WNK2: variants seen among roughly 807,000 people sequenced by gnomAD.
The protein encoded by WNK2 is serine/threonine-protein kinase WNK2.
In WNK2, 67 loss-of-function variants were observed where a neutral mutation model predicts 192.1. The observed-to-expected ratio is 0.35, with a 90% confidence interval of 0.29 to 0.43. The LOEUF (loss-of-function observed/expected upper bound fraction) is 0.43. Ranked by LOEUF, WNK2 falls within the 20% of genes least tolerant of loss-of-function variation. WNK2 has a pLI of 1.00. For synonymous variants in WNK2, 1,439 were observed against 1,393.9 expected (o/e 1.03, Z -0.72); for missense variants, 2,698 against 3,089.7 (o/e 0.87, Z 3.01).
intron 8 of WNK2, among the ~76,000 whole-genome samples, chr9:93,250,584 T>C (rs1842449459): frequency 6.6e-6 from 1 of 152,224 alleles, no homozygotes; most frequent in Non-Finnish European, 1.5e-5. Context: ...CATTATTGTA[T>C]TGGAAGATGC....
At chr9:93,298,954 G>A (rs1290912515) in intron 24 of WNK2, 116 bp from the exon 25 acceptor site, 7 of 1,085,962 alleles carry the variant, frequency 6.4e-6, no homozygotes, top group Non-Finnish European at 9.0e-6. Flanking sequence ...TGGTCTGCAG[G>A]AGACGTGAGC....
At chr9:93,295,008 C>T (rs1849998908) in intron 23 of WNK2, among the ~76,000 whole-genome samples, 2 of 152,184 alleles carry the variant, frequency 1.3e-5, no homozygotes, top group African/African-American at 4.8e-5. Flanking sequence ...CTCTGAATAC[C>T]GAGGTGCCTG....
rs759428674 is a variant in WNK2, at chr9:93,292,273, C to T, written c.4937-35C>T. ...GAGCCATCTCTGCCTCTTCCTCCTC[C>T]TTCAGCCCCAGTAACGTTTCTGATG... On this transcript the variant is annotated intron_variant, in intron 21 of 29. Transcript: ENST00000427277. The T allele has an allele frequency of 2.5e-6, 4 of 1,610,972 alleles. No individual in the cohort carries two copies. The African/African-American group carries it at 4.0e-5, about 16-fold the overall frequency.
At chr9:93,305,521 A>G (rs1027269235) in intron 26 of WNK2, among the ~76,000 whole-genome samples, 10 of 152,210 alleles carry the variant, frequency 6.6e-5, no homozygotes, top group East Asian at 1.9e-4. Context: ...TTATTAGAAC[A>G]GTAAAGTCTG....
In WNK2 at chr9:93,302,779, G is replaced by T. The variant is rs116933944; in HGVS notation, c.6214+2630G>T. On this transcript the variant is annotated intron_variant, in intron 26 of 29. Coordinates refer to ENST00000427277, the MANE Select transcript of WNK2 (RefSeq NM_006648.4). The stretch of plus-strand genomic sequence containing the variant: ...GGAGGCTGGGAGCAGCAGGTGGACA[G>T]ACCCCTAGGGAGTGCAAGGCCCTGC... Among the ~76,000 whole-genome samples, 1,467 of 152,274 alleles carry T rather than the reference G, an allele frequency of 9.6e-3. 11 individuals are homozygous for T. Among genetic ancestry groups the T allele is most frequent in the South Asian group, 0.027 (130 of 4,830 alleles).
chr9:93,199,355 G>A (rs1227319525), intron 2 of WNK2, among the ~76,000 whole-genome samples: 2 of 152,142 alleles, frequency 1.3e-5, no homozygotes, highest in African/African-American at 4.8e-5. Flanking sequence ...CCTTAGCCCT[G>A]CCCAGGTTGG....
intron 2 of WNK2, among the ~76,000 whole-genome samples, chr9:93,228,251 G>A (rs914545074): frequency 1.5e-4 from 23 of 152,080 alleles, no homozygotes; most frequent in African/African-American, 3.9e-4. Flanking sequence ...TCTCATGGGC[G>A]CGGCTGCATT....
rs777650622 is a variant in WNK2, at chr9:93,210,195, C to T, written c.682-19501C>T. ...CCCTGCCTCTCTGCAGTAAGCGTTC[C>T]CACCCCAGGGATGTGGGCTGTGGTG... On this transcript the variant is annotated intron_variant, in intron 2 of 29. Transcript: ENST00000427277. Among the ~76,000 whole-genome samples, 70 of 152,160 alleles carry T rather than the reference C, an allele frequency of 4.6e-4. 1 individual carries two copies. The highest frequency in any genetic ancestry group is 7.8e-4 in the Non-Finnish European group (53 of 67,990).
intron 29 of WNK2, chr9:93,318,295 A>AC: frequency 4.6e-6 from 7 of 1,522,136 alleles, no homozygotes; most frequent in Non-Finnish European, 6.1e-6. Context: ...TTTCTGTTGT[A>AC]AATGCCTTTT....
At chr9:93,314,847 G>C (rs962824877) in intron 28 of WNK2, among the ~76,000 whole-genome samples, 3 of 152,128 alleles carry the variant, frequency 2.0e-5, no homozygotes, top group Non-Finnish European at 4.4e-5. Flanking sequence ...GAACGAGCAG[G>C]AGCATTGTCG....
chr9:93,308,337 C>T lies in WNK2; in HGVS notation c.6269C>T (p.Thr2090Ile), dbSNP rs745594921. ...GTGTGTGACTCCCCAGGGTCCTCCA[C>T]CAGCAGCCTGGCCCCAGGCCCTGAG... ...LGKEHSSRSS[T>I]SSLAPGPEPG... Residue 2090 changes from threonine (T) to isoleucine (I), a missense_variant, in exon 28 of 30, where the codon ACC (threonine) becomes ATC (isoleucine). Transcript: ENST00000427277. The T allele has an allele frequency of 3.3e-5, 51 of 1,553,878 alleles. No individual in the cohort carries two copies. Among genetic ancestry groups the T allele is most frequent in the African/African-American group, 1.4e-5 (1 of 73,196 alleles).
At position 93,206,197 on chromosome 9, in the gene WNK2, AG is replaced by A. The variant is rs773551893; in HGVS notation, c.681+20588del. Among the ~76,000 whole-genome samples the A allele has an allele frequency of 5.7e-4, 87 of 152,210 alleles. No homozygotes were observed. In the Middle Eastern group the frequency reaches 0.014, roughly 24 times the overall value. On this transcript the variant is annotated intron_variant, in intron 2 of 29. Transcript: ENST00000427277. ...CATGTGGACAGTGTGATCTGTCTGGAGTGCGTGTCTTTTTCCTAACATGTAG... is the reference window on the plus strand; with the variant it reads ...CATGTGGACAGTGTGATCTGTCTGGATGCGTGTCTTTTTCCTAACATGTAG...
rs559694568 is a variant in WNK2, at chr9:93,251,903, T to TTA, written c.1835-978_1835-977dup. 1.7e-3 allele frequency among the ~76,000 whole-genome samples: 258 copies of TTA among 152,302 alleles called. 1 individual carries two copies. The highest frequency in any genetic ancestry group is 5.7e-3 in the African/African-American group (238 of 41,568). ...TTGCACAATTAAACCTCAGCATTTC[T>TTA]TATGTCTTCCTAGGTTACAGTAGGT... On this transcript the variant is annotated intron_variant, in intron 8 of 29. Coordinates refer to ENST00000427277, the MANE Select transcript of WNK2 (RefSeq NM_006648.4).
intron 29 of WNK2, chr9:93,318,300 C>G: frequency 6.6e-7 from 1 of 1,525,856 alleles, no homozygotes; most frequent in Non-Finnish European, 8.8e-7. Flanking sequence ...GTTGTAAATG[C>G]CTTTTACAAA....
At position 93,292,977 on chromosome 9, in the gene WNK2, A is replaced by C. The variant is rs1348620445; in HGVS notation, c.5512A>C (p.Lys1838Gln). The C allele has an allele frequency of 1.3e-6, 2 of 1,545,430 alleles. No homozygotes were observed. Among genetic ancestry groups the C allele is most frequent in the Non-Finnish European group, 1.7e-6 (2 of 1,146,826 alleles). ...TGGCAGCGTGGCTGGCGACTTCGTGAAGAAGGCCACCGCCTTCCTGCAGAG... is the reference window on the plus strand; with the variant it reads ...TGGCAGCGTGGCTGGCGACTTCGTGCAGAAGGCCACCGCCTTCCTGCAGAG... ...VSGSVAGDFV[K>Q]KATAFLQRPS... The change falls in exon 23 of 30, where the codon AAG (lysine) becomes CAG (glutamine). Residue 1838 changes from lysine (K) to glutamine (Q), a missense_variant. Coordinates refer to ENST00000427277, the MANE Select transcript of WNK2 (RefSeq NM_006648.4).
At chr9:93,225,944 G>C (rs1354475150) in intron 2 of WNK2, among the ~76,000 whole-genome samples, 2 of 151,922 alleles carry the variant, frequency 1.3e-5, no homozygotes, top group Non-Finnish European at 2.9e-5. Flanking sequence ...GTGTTGTGTT[G>C]TGTTGTATTG....
intron 2 of WNK2, among the ~76,000 whole-genome samples, chr9:93,227,388 C>T (rs1268042150): frequency 6.6e-6 from 1 of 152,154 alleles, no homozygotes; most frequent in African/African-American, 2.4e-5. Context: ...GCTGGGATTA[C>T]AGGTGTGAGC....
intron 2 of WNK2, among the ~76,000 whole-genome samples, chr9:93,217,173 G>C (rs149218292): frequency 0.012 from 1,850 of 152,164 alleles, 62 homozygotes; most frequent in East Asian, 0.12. Flanking sequence ...TGGCCAGGAT[G>C]GTCTTGATTT....
At chr9:93,200,346 CT>C (rs1293576585) in intron 2 of WNK2, among the ~76,000 whole-genome samples, 2 of 152,176 alleles carry the variant, frequency 1.3e-5, no homozygotes, top group Non-Finnish European at 2.9e-5. Flanking sequence ...GCTGGGTGAT[CT>C]TTACAGGAGG....
Sources: allele counts gnomAD v4.1 joint callset (sites outside exome capture counted in the v4.1 genomes callset), GRCh38; gene constraint gnomAD v4.1.1; transcripts MANE v1.5; gene names NCBI Gene and HGNC (gene_info 2026-07-23, HGNC 2026-07-21).